Variants in PCDH9 observed in about 807,000 individuals in gnomAD.
The protein encoded by PCDH9 is protocadherin-9.
Under a neutral mutation model 70.6 loss-of-function variants are expected in PCDH9, and 24 were observed. The ratio of observed to expected loss-of-function variants is 0.34; its 90% CI spans 0.25 to 0.48. The LOEUF is 0.48. PCDH9 is among the 20% of genes least tolerant of loss of function. The pLI, the probability that PCDH9 is intolerant of heterozygous loss-of-function variation, is 0.99. For missense variants in PCDH9, 1,281 were observed against 1,503.6 expected, an observed-to-expected ratio of 0.85 and a Z score of 2.45; for synonymous variants, 562 against 558.5, an observed-to-expected ratio of 1.01 and a Z score of -0.09.
At chr13:66,605,678 T>C (rs2077213947) in intron 4 of PCDH9, among the ~76,000 whole-genome samples, 1 of 152,180 alleles carries the variant, frequency 6.6e-6, no homozygotes, top group African/African-American at 2.4e-5. Flanking sequence ...TTAACATTTT[T>C]ATTTATTTAT....
chr13:67,118,897 T>C (rs947161854), intron 2 of PCDH9, among the ~76,000 whole-genome samples: 1 of 152,134 alleles, frequency 6.6e-6, no homozygotes, highest in Non-Finnish European at 1.5e-5. Context: ...AAGTAACTCA[T>C]TTAAATTAGT....
intron 4 of PCDH9, among the ~76,000 whole-genome samples, chr13:66,481,039 C>T (rs1764922966): frequency 6.6e-6 from 1 of 151,716 alleles, no homozygotes; most frequent in Non-Finnish European, 1.5e-5. Flanking sequence ...AAATCATCAG[C>T]AAACTAACAC....
chr13:66,705,033 A>C (rs1243251848), intron 3 of PCDH9, among the ~76,000 whole-genome samples: 1 of 152,092 alleles, frequency 6.6e-6, no homozygotes, highest in Non-Finnish European at 1.5e-5. Flanking sequence ...TGTTCCATAA[A>C]ATTTAGGGCT....
intron 3 of PCDH9, among the ~76,000 whole-genome samples, chr13:66,722,126 G>A (rs529631981): frequency 6.6e-6 from 1 of 152,100 alleles, no homozygotes; most frequent in Non-Finnish European, 1.5e-5. Flanking sequence ...ACGGACATTT[G>A]CCAGTACTGT....
In PCDH9 at chr13:67,192,109, G is replaced by C. The variant is rs895710748; in HGVS notation, c.3036+33296C>G. Among the ~76,000 whole-genome samples the C allele has an allele frequency of 1.2e-3, 175 of 152,004 alleles. 2 individuals carry two copies. Among genetic ancestry groups the C allele is most frequent in the African/African-American group, 3.9e-3 (161 of 41,414 alleles). On this transcript the variant is annotated intron_variant, in intron 2 of 4. Coordinates refer to ENST00000377865, the MANE Select transcript of PCDH9 (RefSeq NM_203487.3). ...AAAGAATTGCTGGAAGATGTAGAAA[G>C]AGATGAACACAGTTCCTAGTACATA... is the stretch of plus-strand genomic sequence containing the variant.
intron 2 of PCDH9, among the ~76,000 whole-genome samples, chr13:67,038,393 A>G (rs1027537441): frequency 2.0e-5 from 3 of 152,324 alleles, no homozygotes; most frequent in African/African-American, 4.8e-5. Context: ...GAATAAGAAT[A>G]AAGTGATGAC....
intron 4 of PCDH9, among the ~76,000 whole-genome samples, chr13:66,410,655 A>G (rs1957355054): frequency 6.6e-6 from 1 of 152,212 alleles, no homozygotes; most frequent in East Asian, 1.9e-4. Context: ...TGCTGAGTGT[A>G]AGGATGCTAT....
intron 2 of PCDH9, among the ~76,000 whole-genome samples, chr13:67,164,087 C>T (rs2088037981): frequency 6.6e-6 from 1 of 152,190 alleles, no homozygotes; most frequent in Non-Finnish European, 1.5e-5. Context: ...CTAGTTATTA[C>T]TAAATGTGTG....
chr13:66,305,920 A>G (rs1366968567), intron 4 of PCDH9, among the ~76,000 whole-genome samples: 1 of 152,058 alleles, frequency 6.6e-6, no homozygotes, highest in Non-Finnish European at 1.5e-5. Context: ...CTATTTTCTG[A>G]CTGTTTAAAA....
intron 2 of PCDH9, among the ~76,000 whole-genome samples, chr13:67,143,834 C>T (rs1355876285): frequency 6.6e-6 from 1 of 152,104 alleles, no homozygotes; most frequent in East Asian, 1.9e-4. Context: ...AATTCAGTCT[C>T]ATTTAAAGTG....
At chr13:66,991,621 A>T (rs1237658975) in intron 2 of PCDH9, among the ~76,000 whole-genome samples, 1 of 152,098 alleles carries the variant, frequency 6.6e-6, no homozygotes, top group Non-Finnish European at 1.5e-5. Flanking sequence ...TTTTAATTCC[A>T]TTAACATTTT....
chr13:67,120,141 TA>T (rs2086849166), intron 2 of PCDH9, among the ~76,000 whole-genome samples: 1 of 150,928 alleles, frequency 6.6e-6, no homozygotes, highest in East Asian at 1.9e-4. Flanking sequence ...GTGTGTGAAT[TA>T]AAAGCAAGCC....
chr13:66,363,934 C>T (rs1461884389), intron 4 of PCDH9, among the ~76,000 whole-genome samples: 1 of 152,100 alleles, frequency 6.6e-6, no homozygotes, highest in African/African-American at 2.4e-5. Context: ...GCAGGTGGAT[C>T]ACCTGAGGTC....
At chr13:66,665,128 C>T (rs1226724779) in intron 3 of PCDH9, among the ~76,000 whole-genome samples, 10 of 144,198 alleles carry the variant, frequency 6.9e-5, no homozygotes, top group Middle Eastern at 3.6e-3. Context: ...TTTTTTGAGA[C>T]GGAGTTTTGC....
intron 2 of PCDH9, among the ~76,000 whole-genome samples, chr13:67,033,550 T>G (rs2084949249): frequency 6.6e-6 from 1 of 152,164 alleles, no homozygotes. Context: ...TTGCTTTACG[T>G]GTCTTTCTGC....
chr13:66,425,457 A>T (rs1957652457), intron 4 of PCDH9, among the ~76,000 whole-genome samples: 1 of 151,670 alleles, frequency 6.6e-6, no homozygotes, highest in Non-Finnish European at 1.5e-5. Flanking sequence ...CTGTAGGTAT[A>T]TCTTTAAGTA....
At chr13:66,995,035 G>A (rs2084083937) in intron 2 of PCDH9, among the ~76,000 whole-genome samples, 3 of 152,284 alleles carry the variant, frequency 2.0e-5, no homozygotes, top group Admixed American at 1.3e-4. Context: ...TGTCACCCAC[G>A]CACTTGATTG....
intron 4 of PCDH9, among the ~76,000 whole-genome samples, chr13:66,559,831 T>TACAC (rs143486261): frequency 2.5e-4 from 28 of 112,644 alleles, no homozygotes; most frequent in South Asian, 1.2e-3. Context: ...TATATATATA[T>TACAC]ATACACACAC....
At chr13:66,833,091 C>T (rs1234230200) in intron 3 of PCDH9, among the ~76,000 whole-genome samples, 2 of 152,090 alleles carry the variant, frequency 1.3e-5, no homozygotes, top group East Asian at 3.9e-4. Flanking sequence ...ACCATGTGGT[C>T]TCGTAGCCAA....
Sources: gnomAD v4.1 joint callset for allele counts (sites outside exome capture counted in the v4.1 genomes callset) on GRCh38, gnomAD v4.1.1 for gene constraint, MANE v1.5 for transcripts, NCBI Gene and HGNC (gene_info 2026-07-23, HGNC 2026-07-21) for gene names.